Variants in PRKCH observed in about 807,000 individuals in gnomAD.
The protein encoded by PRKCH is protein kinase C eta type.
A neutral mutation model predicts 82.5 loss-of-function variants in PRKCH; 28 were observed. That is an observed-to-expected ratio of 0.34 (90% CI 0.25 to 0.47). The LOEUF is 0.47. PRKCH is among the 20% of genes least tolerant of loss of function. PRKCH has a pLI of 1.00. For synonymous variants in PRKCH, 322 were observed against 327.4 expected (o/e 0.98, Z 0.18); for missense variants, 705 against 881.8 (o/e 0.80, Z 2.54).
rs1022893703 is a variant in PRKCH, at chr14:61,244,439, C to G, written c.-19+56771C>G. 2.6e-5 allele frequency among the ~76,000 whole-genome samples: 4 copies of G among 152,176 alleles called. 1 individual carries two copies. The highest frequency in any genetic ancestry group is 5.9e-5 in the Non-Finnish European group (4 of 68,026). ...ATTTGTTACAATGCTTTTGAGTTTG[C>G]TTTGCATTTTTGTTTTAAACCTACC... On this transcript the variant is annotated intron_variant, in intron 1 of 3. Coordinates refer to the PRKCH transcript ENST00000555185.
intron 1 of PRKCH, among the ~76,000 whole-genome samples, chr14:61,377,237 G>T (rs888800104): frequency 1.3e-5 from 2 of 152,082 alleles, no homozygotes; most frequent in African/African-American, 4.8e-5. Flanking sequence ...ATTTTCTCTG[G>T]TTCTTTCTTT....
At chr14:61,269,233 A>C (rs866170064) in intron 1 of PRKCH, among the ~76,000 whole-genome samples, 1 of 152,218 alleles carries the variant, frequency 6.6e-6, no homozygotes, top group Admixed American at 6.5e-5. Flanking sequence ...TGCAGAAAAT[A>C]TTATTTGAAT....
intron 1 of PRKCH, chr14:61,327,119 C>G (rs1274378183): frequency 8.8e-6 from 4 of 455,928 alleles, no homozygotes; most frequent in Non-Finnish European, 1.8e-5. Flanking sequence ...TGGTTCAGCC[C>G]TCCCGAAGAC....
intron 1 of PRKCH, among the ~76,000 whole-genome samples, chr14:61,196,318 A>C (rs2044442510): frequency 1.3e-5 from 2 of 152,270 alleles, no homozygotes; most frequent in East Asian, 3.9e-4. Context: ...TGATTGCTGA[A>C]GGGACAGCTG....
intron 8 of PRKCH, 42 bp downstream of exon 8, chr14:61,457,361 T>G (rs1232418496): frequency 1.2e-6 from 2 of 1,610,350 alleles, no homozygotes; most frequent in Non-Finnish European, 1.7e-6. Flanking sequence ...GTAAGTGTGC[T>G]CTGTGTATGG....
At position 61,293,748 on chromosome 14, in the gene PRKCH, G is replaced by A. The variant is rs534643728; in HGVS notation, c.-19+106080G>A. ...TCTGATCAGTCTGCAAACTTAGAGCGGTCAGCCTCTGCTTGCAAACTGAAA... is the reference window on the plus strand; with the variant it reads ...TCTGATCAGTCTGCAAACTTAGAGCAGTCAGCCTCTGCTTGCAAACTGAAA... On this transcript the variant is annotated intron_variant, in intron 1 of 3. Coordinates refer to the PRKCH transcript ENST00000555185. Among the ~76,000 whole-genome samples the A allele has an allele frequency of 2.8e-4, 43 of 152,200 alleles. No homozygotes were observed. The East Asian group carries it at 6.2e-3, about 22-fold the overall frequency.
intron 4 of PRKCH, among the ~76,000 whole-genome samples, chr14:61,448,137 C>G (rs1324213501): frequency 6.6e-6 from 1 of 152,184 alleles, no homozygotes; most frequent in Non-Finnish European, 1.5e-5. Context: ...GACCAGTTCT[C>G]TGGGCACTTT....
intron 1 of PRKCH, among the ~76,000 whole-genome samples, chr14:61,264,504 T>G (rs768145720): frequency 2.4e-4 from 37 of 152,258 alleles, no homozygotes; most frequent in Admixed American, 1.6e-3. Context: ...ATTGTTGAAT[T>G]GTGCCTAGGG....
chr14:61,227,369 G>C (rs1209041747), intron 1 of PRKCH, among the ~76,000 whole-genome samples: 1 of 152,156 alleles, frequency 6.6e-6, no homozygotes, highest in Non-Finnish European at 1.5e-5. Context: ...CCAAGGCAGG[G>C]GATCACGAGG....
chr14:61,450,606 A>G (rs759895200), intron 5 of PRKCH, among the ~76,000 whole-genome samples: 1 of 152,250 alleles, frequency 6.6e-6, no homozygotes, highest in Non-Finnish European at 1.5e-5. Flanking sequence ...TTATTTCTCA[A>G]AATGGCAAAT....
chr14:61,433,735 A>G (rs1883532626), intron 2 of PRKCH, among the ~76,000 whole-genome samples: 1 of 152,222 alleles, frequency 6.6e-6, no homozygotes, highest in South Asian at 2.1e-4. Context: ...CAGAAACAGC[A>G]ACTTTTAAAA....
chr14:61,351,544 C>T (rs1159289585), intron 1 of PRKCH, among the ~76,000 whole-genome samples: 1 of 152,178 alleles, frequency 6.6e-6, no homozygotes, highest in African/African-American at 2.4e-5. Flanking sequence ...GTTCTAAATA[C>T]ACGAAAGCAC....
chr14:61,547,710 G>A lies in PRKCH; in HGVS notation c.1762-33G>A, dbSNP rs183474717. 11 of 1,601,108 alleles carry A rather than the reference G, an allele frequency of 6.9e-6. No individual in the cohort carries two copies. The African/African-American group carries it at 1.1e-4, about 16-fold the overall frequency. ...TGTGACGTGCTGGTTGTATGTGAAT[G>A]AATGATTGACACTTTCTCTCTCTCT... On this transcript the variant is annotated intron_variant, in intron 12 of 13. Coordinates refer to ENST00000332981, the MANE Select transcript of PRKCH (RefSeq NM_006255.5).
In PRKCH at chr14:61,469,127, A is replaced by G. The variant is rs185412080; in HGVS notation, c.1278+11448A>G. 1.2e-3 allele frequency among the ~76,000 whole-genome samples: 190 copies of G among 152,296 alleles called. 3 individuals carry two copies. Among genetic ancestry groups the G allele is most frequent in the Non-Finnish European group, 1.6e-4 (11 of 68,024 alleles). ...TTGTTTTCATTTTTTGCAGAGTTGG[A>G]GGTCTTGCTATGTTGCCCACACTGG... On this transcript the variant is annotated intron_variant, in intron 9 of 13. Transcript: ENST00000332981.
At chr14:61,357,343 C>G (rs1032698045) in intron 1 of PRKCH, among the ~76,000 whole-genome samples, 3 of 152,236 alleles carry the variant, frequency 2.0e-5, no homozygotes, top group African/African-American at 7.2e-5. Flanking sequence ...CTTGAAACTT[C>G]TTAGAATGAG....
rs144342962 is a variant in PRKCH at position 61,451,276 on chromosome 14, G to A, written c.832+305G>A. Reference sequence around the variant, plus strand: ...AGGTGTTTGGAAGAGAAAAAGATGGGATCTTAGTCAGAAATGGAAGATGGT... The same window carrying A: ...AGGTGTTTGGAAGAGAAAAAGATGGAATCTTAGTCAGAAATGGAAGATGGT... On this transcript the variant is annotated intron_variant, in intron 6 of 13. Transcript: ENST00000332981. 3.9e-3 allele frequency among the ~76,000 whole-genome samples: 588 copies of A among 152,200 alleles called. 6 individuals are homozygous for A. The highest frequency in any genetic ancestry group is 4.5e-3 in the Non-Finnish European group (305 of 67,998).
At chr14:61,434,327 C>G (rs925722430) in intron 2 of PRKCH, among the ~76,000 whole-genome samples, 6 of 151,990 alleles carry the variant, frequency 3.9e-5, no homozygotes, top group African/African-American at 1.5e-4. Flanking sequence ...TGATGCAACC[C>G]AAATGTGATG....
chr14:61,466,576 C>T (rs12101078), intron 9 of PRKCH, among the ~76,000 whole-genome samples: 7,949 of 152,190 alleles, frequency 0.052, 604 homozygotes, highest in African/African-American at 0.16. Context: ...AGGCTTTGTT[C>T]GGAGACCCAG....
intron 9 of PRKCH, 64 bp downstream of exon 9, chr14:61,457,743 T>C (rs761447457): frequency 1.3e-6 from 2 of 1,562,594 alleles, no homozygotes; most frequent in Admixed American, 3.7e-5. Flanking sequence ...GACAGTAAGA[T>C]ACTGGAGATT....
Sources: allele counts gnomAD v4.1 joint callset (sites outside exome capture counted in the v4.1 genomes callset), GRCh38; gene constraint gnomAD v4.1.1; transcripts MANE v1.5; gene names NCBI Gene and HGNC (gene_info 2026-07-23, HGNC 2026-07-21).